ADAMTSL3: variants seen among roughly 807,000 people sequenced by gnomAD.
The protein encoded by ADAMTSL3 is ADAMTS like 3.
In ADAMTSL3, 128 loss-of-function variants were observed where a neutral mutation model predicts 201.7. The ratio of observed to expected loss-of-function variants is 0.63; its 90% CI spans 0.55 to 0.73. The LOEUF (loss-of-function observed/expected upper bound fraction) is 0.73. Among genes scored for constraint, ADAMTSL3 ranks in the 30% least tolerant of loss-of-function variants. ADAMTSL3 has a pLI of 0.00. For missense variants in ADAMTSL3, 1,990 were observed against 2,119.6 expected (o/e 0.94, Z 1.20); for synonymous variants, 738 against 748.4 (o/e 0.99, Z 0.23).
intron 3 of ADAMTSL3, among the ~76,000 whole-genome samples, chr15:83,761,608 C>T (rs1482116495): frequency 6.6e-6 from 1 of 152,220 alleles, no homozygotes; most frequent in African/African-American, 2.4e-5. Context: ...TCCTCTCCAT[C>T]AGACTTTTAA....
chr15:83,777,965 C>T (rs1055471246), intron 4 of ADAMTSL3, among the ~76,000 whole-genome samples: 3 of 152,044 alleles, frequency 2.0e-5, no homozygotes, highest in African/African-American at 4.8e-5. Context: ...ACAAGAATTT[C>T]GTAATGCAAT....
intron 7 of ADAMTSL3, among the ~76,000 whole-genome samples, chr15:83,847,105 G>A (rs2064514228): frequency 6.6e-6 from 1 of 152,222 alleles, no homozygotes; most frequent in Admixed American, 6.5e-5. Context: ...CTCATTTGCA[G>A]ATTGAGCAAT....
chr15:83,826,498 T>C lies in ADAMTSL3; in HGVS notation c.600+6451T>C, dbSNP rs116641373. ...TATAGCACAGGTACAATTTTTTATT[T>C]CTTTTTTTATAGGACTTTTAAAAAA... On this transcript the variant is annotated intron_variant, in intron 6 of 29. Coordinates refer to ENST00000286744, the MANE Select transcript of ADAMTSL3 (RefSeq NM_207517.3). 7.8e-3 allele frequency among the ~76,000 whole-genome samples: 1,180 copies of C among 152,108 alleles called. 12 individuals carry two copies. Among genetic ancestry groups the C allele is most frequent in the African/African-American group, 0.027 (1,112 of 41,486 alleles).
intron 17 of ADAMTSL3, among the ~76,000 whole-genome samples, chr15:83,939,129 C>T (rs889576232): frequency 3.3e-5 from 5 of 152,202 alleles, no homozygotes; most frequent in African/African-American, 1.2e-4. Context: ...TAGAATAAAC[C>T]CAGATTGGTC....
chr15:84,033,552 G>A (rs2141943146), intron 28 of ADAMTSL3, among the ~76,000 whole-genome samples: 1 of 152,250 alleles, frequency 6.6e-6, no homozygotes, highest in African/African-American at 2.4e-5. Context: ...CCAGCTATTT[G>A]GGAGGCTGAG....
intron 3 of ADAMTSL3, among the ~76,000 whole-genome samples, chr15:83,715,639 A>G (rs1231626003): frequency 6.6e-6 from 1 of 152,166 alleles, no homozygotes; most frequent in Non-Finnish European, 1.5e-5. Context: ...CACACAGTAA[A>G]TGCACAACGA....
At chr15:83,849,612 A>G (rs1182444955) in intron 7 of ADAMTSL3, among the ~76,000 whole-genome samples, 3 of 152,136 alleles carry the variant, frequency 2.0e-5, no homozygotes, top group Non-Finnish European at 4.4e-5. Flanking sequence ...TGTACTTACA[A>G]TTGCTTCCTC....
At chr15:83,732,327 G>A (rs937706084) in intron 3 of ADAMTSL3, among the ~76,000 whole-genome samples, 1 of 151,968 alleles carries the variant, frequency 6.6e-6, no homozygotes, top group Non-Finnish European at 1.5e-5. Flanking sequence ...ATACACTAAA[G>A]GGCATCCTTT....
At chr15:83,918,650 T>G (rs981482813) in intron 16 of ADAMTSL3, among the ~76,000 whole-genome samples, 3 of 152,154 alleles carry the variant, frequency 2.0e-5, no homozygotes, top group Non-Finnish European at 4.4e-5. Flanking sequence ...CAGGGTTTAG[T>G]GTGGCATGCT....
intron 2 of ADAMTSL3, among the ~76,000 whole-genome samples, chr15:83,695,204 T>G (rs1305519369): frequency 9.0e-4 from 1 of 1,106 alleles, no homozygotes; most frequent in African/African-American, 3.4e-3. Flanking sequence ...CATGATACGT[T>G]TGTGGTGTGT....
At chr15:83,888,776 C>T (rs552252848) in intron 10 of ADAMTSL3, among the ~76,000 whole-genome samples, 13 of 152,276 alleles carry the variant, frequency 8.5e-5, no homozygotes, top group South Asian at 6.2e-4. Context: ...TTCATTCTTG[C>T]GGTTTCGACC....
At chr15:83,744,811 G>T (rs2062517796) in intron 3 of ADAMTSL3, among the ~76,000 whole-genome samples, 1 of 152,182 alleles carries the variant, frequency 6.6e-6, no homozygotes, top group African/African-American at 2.4e-5. Flanking sequence ...CGTGTTTGGG[G>T]TGTCTTACAT....
chr15:83,898,329 A>T (rs2065657830), intron 14 of ADAMTSL3, among the ~76,000 whole-genome samples: 1 of 152,130 alleles, frequency 6.6e-6, no homozygotes, highest in Non-Finnish European at 1.5e-5. Context: ...GGGAGAGATT[A>T]AAAAAGGAGG....
chr15:83,821,071 CAAAAAG>C lies in ADAMTSL3; in HGVS notation c.600+1030_600+1035del, dbSNP rs1218352458. 2.4e-4 allele frequency among the ~76,000 whole-genome samples: 36 copies of C among 147,730 alleles called. 3 individuals are homozygous for C. Among genetic ancestry groups the C allele is most frequent in the Admixed American group, 1.8e-3 (27 of 14,898 alleles). ...TCTGAGTGACAGAGCGAGACTGTCTCAAAAAGAAAAAAAAAAATTAAAAAGACACTA... is the reference window on the plus strand; with the variant it reads ...TCTGAGTGACAGAGCGAGACTGTCTCAAAAAAAAAAATTAAAAAGACACTA... On this transcript the variant is annotated intron_variant, in intron 6 of 29. Transcript: ENST00000286744.
chr15:83,771,650 T>C (rs1035471635), intron 3 of ADAMTSL3, among the ~76,000 whole-genome samples: 4 of 152,238 alleles, frequency 2.6e-5, no homozygotes, highest in African/African-American at 9.6e-5. Context: ...TAGCATTTCG[T>C]TGTGTGTATA....
At chr15:83,991,039 A>G (rs1596506824) in intron 22 of ADAMTSL3, 47 bp from the exon 23 acceptor site, 1 of 1,611,588 alleles carries the variant, frequency 6.2e-7, no homozygotes, top group South Asian at 1.1e-5. Flanking sequence ...TTTACCAAAG[A>G]GCAAAAGCCT....
intron 23 of ADAMTSL3, among the ~76,000 whole-genome samples, chr15:83,992,383 G>A (rs1465557153): frequency 6.6e-6 from 1 of 152,102 alleles, no homozygotes; most frequent in African/African-American, 2.4e-5. Context: ...GCAGACTTTT[G>A]AAAAATTGCT....
At chr15:83,896,048 A>G (rs943503619) in intron 13 of ADAMTSL3, among the ~76,000 whole-genome samples, 1 of 152,206 alleles carries the variant, frequency 6.6e-6, no homozygotes, top group Admixed American at 6.5e-5. Flanking sequence ...CAAGCTCCTT[A>G]AAGCGGTGGC....
In ADAMTSL3 at chr15:83,983,092, CAG is replaced by C. The variant is rs2067417945; in HGVS notation, c.3465_3466del (p.Gly1156GlufsTer35). ...CCTGCTGCTCAGCTCAGAGGGGAAA[CAG>C]GGAGTGTGTCCCAAAGCTCGCATGC... is the stretch of plus-strand genomic sequence containing the variant. On this transcript the variant is annotated frameshift_variant, in exon 21 of 30. Transcript: ENST00000286744. LOFTEE classifies it high-confidence loss of function. The C allele has an allele frequency of 1.9e-6, 3 of 1,614,110 alleles. No homozygotes were observed. The highest frequency in any genetic ancestry group is 2.5e-6 in the Non-Finnish European group (3 of 1,180,014).
Sources: allele counts gnomAD v4.1 joint callset (sites outside exome capture counted in the v4.1 genomes callset), GRCh38; gene constraint gnomAD v4.1.1; transcripts MANE v1.5; gene names NCBI Gene and HGNC (gene_info 2026-07-23, HGNC 2026-07-21).